The following ATP7B variants were observed in gnomAD, a reference collection of about 807,000 sequenced individuals.
The protein encoded by ATP7B is copper-transporting ATPase 2.
ATP7B carries 113 observed loss-of-function variants against 118.9 expected under a neutral mutation model. The observed-to-expected ratio is 0.95, with a 90% CI of 0.82 to 1.11. The LOEUF (loss-of-function observed/expected upper bound fraction) is 1.11, where lower values mean the gene tolerates loss of function less well. Among genes scored for constraint, ATP7B ranks in the 50% most tolerant of loss-of-function variants. The pLI is 0.00. For missense variants in ATP7B, 1,867 were observed against 1,871.4 expected (o/e 1.00, Z 0.04); for synonymous variants, 777 against 727.4 (o/e 1.07, Z -1.10).
chr13:51,939,208 C>T lies in ATP7B; in HGVS notation c.3557-15G>A, dbSNP rs535514505. The T allele has an allele frequency of 6.2e-7, 1 of 1,611,878 alleles. No individual in the cohort carries two copies. Among genetic ancestry groups the T allele is most frequent in the South Asian group, 1.1e-5 (1 of 91,080 alleles). ...ACAGAGCACACCTGGAGCGAACCAGCCAGCATCAGCAGCTACACAAGTTGG... is the reference window on the plus strand; with the variant it reads ...ACAGAGCACACCTGGAGCGAACCAGTCAGCATCAGCAGCTACACAAGTTGG... On this transcript the variant is annotated splice_polypyrimidine_tract_variant and intron_variant, in intron 16 of 20. Transcript: ENST00000242839.
In ATP7B at chr13:51,934,546, G is replaced by T; in HGVS notation, c.*210C>A. ...AAGCCCATGCTGACGGTCCCGTGAGGCCAAGAGGCAGGCAGGGCCGTCCTC... is the reference window on the plus strand; with the variant it reads ...AAGCCCATGCTGACGGTCCCGTGAGTCCAAGAGGCAGGCAGGGCCGTCCTC... On this transcript the variant is annotated 3_prime_UTR_variant, in exon 21 of 21. Coordinates refer to ENST00000242839, the MANE Select transcript of ATP7B (RefSeq NM_000053.4). The T allele has an allele frequency of 1.4e-6, 1 of 726,182 alleles. No homozygotes were observed. Among genetic ancestry groups the T allele is most frequent in the Non-Finnish European group, 2.3e-6 (1 of 438,934 alleles). The allele number at this position is 726,182 out of a possible 1,614,324, so 45.0% of individuals were successfully genotyped here. A position where few individuals can be genotyped will look rare whatever the true frequency, so the allele number is the denominator to read the frequency against.
intron 1 of ATP7B, among the ~76,000 whole-genome samples, chr13:51,982,558 T>C (rs893427256): frequency 2.0e-5 from 3 of 152,052 alleles, no homozygotes; most frequent in African/African-American, 7.2e-5. Context: ...GGAGTAATAA[T>C]AATGGCCATC....
intron 13 of ATP7B, among the ~76,000 whole-genome samples, chr13:51,945,982 T>C (rs1025889671): frequency 6.6e-6 from 1 of 152,158 alleles, no homozygotes; most frequent in African/African-American, 2.4e-5. Flanking sequence ...GCTGCAGGCG[T>C]TTGGTCAAGT....
chr13:51,937,658 C>T lies in ATP7B; in HGVS notation c.3721G>A (p.Ala1241Thr). Residue 1241 changes from alanine (A) to threonine (T), a missense_variant, in exon 18 of 21, where the codon GCA (alanine) becomes ACA (threonine). Coordinates refer to ENST00000242839, the MANE Select transcript of ATP7B (RefSeq NM_000053.4). ...ACCTTGTGCGAAGGCAGCACCTCTG[C>T]AAAGACTTTGTTGATGCCAACCTAA... The part of the protein sequence containing the change: ...ATQVGINKVF[A>T]EVLPSHKVAK... 1 of 1,614,258 alleles carries T rather than the reference C, an allele frequency of 6.2e-7. No homozygotes were observed. Among genetic ancestry groups the T allele is most frequent in the Non-Finnish European group, 8.5e-7 (1 of 1,180,052 alleles).
chr13:51,958,373 C>G lies in ATP7B; in HGVS notation c.2293G>C (p.Asp765His), dbSNP rs28942075. 1.9e-6 allele frequency: 3 copies of G among 1,614,160 alleles called. No homozygotes were observed. The highest frequency in any genetic ancestry group is 2.5e-6 in the Non-Finnish European group (3 of 1,180,014). Residue 765 changes from aspartate to histidine, a missense_variant, in exon 8 of 21, where the codon GAC becomes CAC. Transcript: ENST00000242839. ...AACACAAAGAGCATGGGGGGCGTGT[C>G]GAAGAATGTCACAGGGCTCCTCTCC... Reference protein sequence around the residue: ...KAERSPVTFFDTPPMLFVFIA... With the variant: ...KAERSPVTFFHTPPMLFVFIA...
rs972405411 is a variant in ATP7B at position 51,949,665 on chromosome 13, A to G, written c.2862T>C (p.Phe954=). The G allele has an allele frequency of 9.9e-6, 16 of 1,613,798 alleles. No homozygotes were observed. Among genetic ancestry groups the G allele is most frequent in the African/African-American group, 4.0e-5 (3 of 74,952 alleles). Residue 954 remains phenylalanine (F), a synonymous_variant, in exon 12 of 21, where the codon TTT becomes TTC. Coordinates refer to ENST00000242839, the MANE Select transcript of ATP7B (RefSeq NM_000053.4). ...TAGCCCAAGGCATTCAACTTACAGG[A>G]AAGTATCTCTGAACAACACCAAAAT... is the stretch of plus-strand genomic sequence containing the variant. The part of the protein sequence containing the change: ...FIDFGVVQRY[F]PNPNKHISQT...
intron 1 of ATP7B, among the ~76,000 whole-genome samples, chr13:51,992,371 C>G (rs912402254): frequency 3.3e-5 from 5 of 152,074 alleles, no homozygotes; most frequent in Non-Finnish European, 7.4e-5. Context: ...TCAGACGGAC[C>G]TGGGATTAAA....
intron 1 of ATP7B, chr13:51,975,441 A>G (rs1020926972): frequency 4.1e-5 from 25 of 615,838 alleles, no homozygotes; most frequent in Non-Finnish European, 7.1e-5. Context: ...TGAGGGAAAG[A>G]AGGAAAGCAC....
intron 9 of ATP7B, among the ~76,000 whole-genome samples, chr13:51,951,601 G>A (rs1244978410): frequency 6.6e-6 from 1 of 152,090 alleles, no homozygotes; most frequent in Non-Finnish European, 1.5e-5. Flanking sequence ...ACACAGAAGG[G>A]GTCCTAGAAC....
rs529606445 is a variant in ATP7B, at chr13:51,934,607, C to T, written c.*149G>A. Reference sequence around the variant, plus strand: ...GCCCAGCTGCACCCAGACAAGGCCGCGTGCTGCAGGGCAGGATGACTGGAC... The same window carrying T: ...GCCCAGCTGCACCCAGACAAGGCCGTGTGCTGCAGGGCAGGATGACTGGAC... On this transcript the variant is annotated 3_prime_UTR_variant, in exon 21 of 21. Transcript: ENST00000242839. 726 of 1,303,308 alleles carry T rather than the reference C, an allele frequency of 5.6e-4. 5 individuals carry two copies. In the South Asian group the frequency reaches 8.9e-3, roughly 16 times the overall value. The allele number at this position is 1,303,308 out of a possible 1,614,324, so 80.7% of individuals were successfully genotyped here.
intron 12 of ATP7B, among the ~76,000 whole-genome samples, chr13:51,948,369 C>T (rs1957793361): frequency 6.6e-6 from 1 of 152,080 alleles, no homozygotes; most frequent in African/African-American, 2.4e-5. Flanking sequence ...TCTGCCTTAG[C>T]CTCCCAAGTA....
Position 51,961,817 on chromosome 13 carries a change from AT to A in ATP7B, c.1946+19del, listed in dbSNP as rs767372558. 1.2e-6 allele frequency: 2 copies of A among 1,608,136 alleles called. No homozygotes were observed. On this transcript the variant is annotated intron_variant, in intron 6 of 20. Transcript: ENST00000242839. ...GGGACTTAGATGAGAGCTGGAGTTT[AT>A]CTTTTGTGTTCTACCTACTGCTTTA... is the stretch of plus-strand genomic sequence containing the variant.
Position 51,952,831 on chromosome 13 carries a change from A to G in ATP7B, c.2448-2432T>C, listed in dbSNP as rs77771033. Among the ~76,000 whole-genome samples, 703 of 152,326 alleles carry G rather than the reference A, an allele frequency of 4.6e-3. 6 individuals are homozygous for G. The highest frequency in any genetic ancestry group is 0.015 in the African/African-American group (641 of 41,556). On this transcript the variant is annotated intron_variant, in intron 9 of 20. Transcript: ENST00000242839. Reference sequence around the variant, plus strand: ...GGCACCTGTACACAGTAAGTGCCCAATGAATGCTGGTGATTTTTATTATCA... The same window carrying G: ...GGCACCTGTACACAGTAAGTGCCCAGTGAATGCTGGTGATTTTTATTATCA...
At chr13:52,010,748 A>C (rs1306617249) in intron 1 of ATP7B, among the ~76,000 whole-genome samples, 1 of 152,246 alleles carries the variant, frequency 6.6e-6, no homozygotes, top group Non-Finnish European at 1.5e-5. Flanking sequence ...GAAAGTTCTC[A>C]ATAAATATTT....
intron 4 of ATP7B, chr13:51,966,695 A>T: frequency 6.7e-7 from 1 of 1,483,358 alleles, no homozygotes; most frequent in Non-Finnish European, 9.2e-7. Flanking sequence ...GCATGCTGCC[A>T]TGCCGACGTA....
chr13:52,003,283 T>C (rs139759280), intron 1 of ATP7B, among the ~76,000 whole-genome samples: 116 of 152,286 alleles, frequency 7.6e-4, no homozygotes, highest in Admixed American at 2.4e-3. Context: ...TTAGAATCCA[T>C]TGTAGGGTTA....
At chr13:52,011,922 G>A, upstream of ATP7B, 1 of 267,214 alleles carries the variant, frequency 3.7e-6, no homozygotes, top group Non-Finnish European at 7.3e-6. Flanking sequence ...GCGCCGCGTC[G>A]GGTCCGCTCT....
Position 51,974,406 on chromosome 13 carries a change from C to T in ATP7B, c.814G>A (p.Val272Ile), listed in dbSNP as rs771501259. ...CCAATATTTTCTTCAATATTCAAGACGCAAGACTTACAATGCATTCCATCT... is the reference window on the plus strand; with the variant it reads ...CCAATATTTTCTTCAATATTCAAGATGCAAGACTTACAATGCATTCCATCT... ...RIDGMHCKSC[V>I]LNIEENIGQL... Residue 272 changes from valine (V) to isoleucine (I), a missense_variant, in exon 2 of 21, where the codon GTC (valine) becomes ATC (isoleucine). By Grantham distance (29) the Val-to-Ile change is conservative. Transcript: ENST00000242839. 47 of 1,613,866 alleles carry T rather than the reference C, an allele frequency of 2.9e-5. No individual in the cohort carries two copies. The highest frequency in any genetic ancestry group is 1.6e-4 in the African/African-American group (12 of 74,898).
At chr13:51,964,158 ATAC>A (rs1322338907) in intron 5 of ATP7B, among the ~76,000 whole-genome samples, 4 of 151,996 alleles carry the variant, frequency 2.6e-5, no homozygotes, top group African/African-American at 9.7e-5. Context: ...GAAATTCAGG[ATAC>A]TACATTAAGC....
Sources: gnomAD v4.1 joint callset for allele counts (sites outside exome capture counted in the v4.1 genomes callset) on GRCh38, gnomAD v4.1.1 for gene constraint, MANE v1.5 for transcripts, NCBI Gene and HGNC (gene_info 2026-07-23, HGNC 2026-07-21) for gene names.